The following KLHL29 variants were observed in gnomAD, a reference collection of about 807,000 sequenced individuals.
KLHL29 encodes the protein kelch like family member 29.
A neutral mutation model predicts 80.4 loss-of-function variants in KLHL29; 21 were observed. The observed-to-expected ratio is 0.26, with a 90% CI of 0.19 to 0.38. The LOEUF (loss-of-function observed/expected upper bound fraction) is 0.38, where lower values mean the gene tolerates loss of function less well. Ranked by LOEUF, KLHL29 falls within the 10% of genes least tolerant of loss-of-function variation. The probability of loss-of-function intolerance (pLI) is 1.00; values close to 1 mark genes in which losing one functional copy is unlikely to be tolerated. For missense variants in KLHL29, 867 were observed against 1,223.9 expected (o/e 0.71, Z 4.35); for synonymous variants, 511 against 526.8 (o/e 0.97, Z 0.41).
intron 3 of KLHL29, among the ~76,000 whole-genome samples, chr2:23,608,128 C>T (rs149259874): frequency 1.8e-4 from 28 of 152,326 alleles, no homozygotes; most frequent in Middle Eastern, 3.4e-3. Context: ...CACACAAAGA[C>T]AGTAATTTCC....
chr2:23,549,098 C>T (rs1315178930), intron 2 of KLHL29, among the ~76,000 whole-genome samples: 1 of 152,202 alleles, frequency 6.6e-6, no homozygotes, highest in East Asian at 1.9e-4. Flanking sequence ...GCGTCCCCGC[C>T]TTGGGCCCTG....
intron 2 of KLHL29, among the ~76,000 whole-genome samples, chr2:23,532,312 T>C (rs1000130769): frequency 1.3e-5 from 2 of 152,250 alleles, no homozygotes; most frequent in Admixed American, 1.3e-4. Context: ...CTCCCTGTAA[T>C]GGCCTCCTCC....
chr2:23,438,972 T>C (rs1663429251), intron 1 of KLHL29, among the ~76,000 whole-genome samples: 1 of 146,526 alleles, frequency 6.8e-6, no homozygotes, highest in African/African-American at 2.6e-5. Flanking sequence ...CTATTGATTA[T>C]TGCCACAATT....
intron 2 of KLHL29, among the ~76,000 whole-genome samples, chr2:23,496,486 C>G (rs982628599): frequency 6.6e-6 from 1 of 151,972 alleles, no homozygotes; most frequent in Non-Finnish European, 1.5e-5. Flanking sequence ...CCTCCTCCCT[C>G]TCCCCCATCC....
At chr2:23,570,818 G>C (rs1002996439) in intron 3 of KLHL29, among the ~76,000 whole-genome samples, 8 of 152,206 alleles carry the variant, frequency 5.3e-5, no homozygotes, top group Non-Finnish European at 1.0e-4. Context: ...ACATGGATTT[G>C]AATGACCGAG....
chr2:23,556,636 G>GGCT (rs1178916602), intron 2 of KLHL29, among the ~76,000 whole-genome samples: 2 of 151,196 alleles, frequency 1.3e-5, no homozygotes, highest in African/African-American at 4.9e-5. Flanking sequence ...CTGGGTGACA[G>GGCT]AGCAAGACTC....
chr2:23,623,402 G>C (rs1046150821), intron 3 of KLHL29, among the ~76,000 whole-genome samples: 1 of 152,178 alleles, frequency 6.6e-6, no homozygotes, highest in African/African-American at 2.4e-5. Flanking sequence ...TAGGGGGAGC[G>C]AGCTCTGTTT....
Position 23,632,686 on chromosome 2 carries a change from G to GA in KLHL29, c.286-6452dup, listed in dbSNP as rs146470548. Among the ~76,000 whole-genome samples, 712 of 152,348 alleles carry GA rather than the reference G, an allele frequency of 4.7e-3. 3 individuals carry two copies. Among genetic ancestry groups the GA allele is most frequent in the Middle Eastern group, 0.01 (3 of 294 alleles). ...GAATTTGCTCTTGCTGTTCTCAGAA[G>GA]AGCCCTAGGAATAACCCTGCAGAGT... On this transcript the variant is annotated intron_variant, in intron 3 of 13. Transcript: ENST00000486442.
At chr2:23,452,371 G>A (rs996143517) in intron 1 of KLHL29, among the ~76,000 whole-genome samples, 3 of 151,836 alleles carry the variant, frequency 2.0e-5, no homozygotes, top group African/African-American at 7.3e-5. Flanking sequence ...TCATCACCAA[G>A]GGGATGGTGC....
intron 5 of KLHL29, among the ~76,000 whole-genome samples, chr2:23,664,036 T>G (rs1670490321): frequency 6.6e-6 from 1 of 152,200 alleles, no homozygotes; most frequent in African/African-American, 2.4e-5. Context: ...ACTACAGAAA[T>G]ATAACATCAA....
At position 23,607,472 on chromosome 2, in the gene KLHL29, G is replaced by A. The variant is rs938565227; in HGVS notation, c.286-31667G>A. On this transcript the variant is annotated intron_variant, in intron 3 of 13. Transcript: ENST00000486442. ...CAATCCATTTTGGTTTTTTAGTCTTGAACCAAATGGAAAAGTTACTTTTAA... is the reference window on the plus strand; with the variant it reads ...CAATCCATTTTGGTTTTTTAGTCTTAAACCAAATGGAAAAGTTACTTTTAA... Among the ~76,000 whole-genome samples the A allele has an allele frequency of 5.3e-5, 8 of 152,322 alleles. No individual in the cohort carries two copies. The South Asian group carries it at 1.7e-3, about 32-fold the overall frequency.
intron 1 of KLHL29, among the ~76,000 whole-genome samples, chr2:23,407,026 C>T (rs1666753896): frequency 6.6e-6 from 1 of 151,952 alleles, no homozygotes; most frequent in African/African-American, 2.4e-5. Context: ...GCTTTTTTTC[C>T]TCTTAACCTT....
intron 8 of KLHL29, among the ~76,000 whole-genome samples, chr2:23,694,710 C>CT (rs1482337949): frequency 6.6e-6 from 1 of 152,190 alleles, no homozygotes; most frequent in East Asian, 1.9e-4. Flanking sequence ...CTTTCACTCT[C>CT]TGACGCCTCT....
rs188819529 is a variant in KLHL29, at chr2:23,489,617, G to T, written c.-46+13950G>T. ...AAAGCCTCCCAAGAGAACCAGCTTC[G>T]CATTAATGCATGAAACAAGGCTCCA... On this transcript the variant is annotated intron_variant, in intron 2 of 13. Coordinates refer to ENST00000486442, the MANE Select transcript of KLHL29 (RefSeq NM_052920.2). 6.6e-4 allele frequency among the ~76,000 whole-genome samples: 101 copies of T among 152,070 alleles called. 1 individual carries two copies. The highest frequency in any genetic ancestry group is 5.0e-3 in the Admixed American group (76 of 15,274).
chr2:23,523,485 T>G (rs977246588), intron 2 of KLHL29, among the ~76,000 whole-genome samples: 1 of 152,190 alleles, frequency 6.6e-6, no homozygotes, highest in Non-Finnish European at 1.5e-5. Flanking sequence ...CTCCCTTAGC[T>G]TCCCCCCGCC....
intron 1 of KLHL29, among the ~76,000 whole-genome samples, chr2:23,427,690 T>G (rs1438568480): frequency 2.0e-5 from 3 of 152,248 alleles, no homozygotes; most frequent in Non-Finnish European, 2.9e-5. Context: ...ATAGTAATTT[T>G]GGGGTCTATT....
chr2:23,463,580 G>T (rs1194459293), intron 1 of KLHL29, among the ~76,000 whole-genome samples: 1 of 152,114 alleles, frequency 6.6e-6, no homozygotes, highest in Non-Finnish European at 1.5e-5. Context: ...CTATGTCTGT[G>T]AATGTAGGCA....
chr2:23,455,513 G>C (rs1664024692), intron 1 of KLHL29, among the ~76,000 whole-genome samples: 1 of 151,832 alleles, frequency 6.6e-6, no homozygotes, highest in South Asian at 2.1e-4. Context: ...AATTTTATTT[G>C]CCTTTCTGCT....
intron 1 of KLHL29, among the ~76,000 whole-genome samples, chr2:23,438,977 A>C (rs1663429379): frequency 6.8e-6 from 1 of 146,122 alleles, no homozygotes; most frequent in African/African-American, 2.6e-5. Flanking sequence ...GATTATTGCC[A>C]CAATTTCAGA....
Sources: gnomAD v4.1 joint callset for allele counts (sites outside exome capture counted in the v4.1 genomes callset) on GRCh38, gnomAD v4.1.1 for gene constraint, MANE v1.5 for transcripts, NCBI Gene and HGNC (gene_info 2026-07-23, HGNC 2026-07-21) for gene names.